The following CHKA variants were observed in gnomAD, a reference collection of about 807,000 sequenced individuals.
CHKA encodes the protein CHETK-alpha.
CHKA carries 34 observed loss-of-function variants against 60.1 expected under a neutral mutation model. That is an observed-to-expected ratio of 0.57 (90% CI 0.43 to 0.75). CHKA has a LOEUF of 0.75. Among genes scored for constraint, CHKA ranks in the 30% least tolerant of loss-of-function variants. The pLI is 0.00. For synonymous variants in CHKA, 217 were observed against 223.1 expected (o/e 0.97, Z 0.24); for missense variants, 563 against 561.3 (o/e 1.00, Z -0.03).
At chr11:68,095,402 CAAAAA>C (rs35029853) in intron 2 of CHKA, among the ~76,000 whole-genome samples, 1 of 12,484 alleles carries the variant, frequency 8.0e-5, no homozygotes, top group Non-Finnish European at 1.3e-4. Flanking sequence ...GACTCCATCT[CAAAAA>C]AAAAAAAAAA....
At chr11:68,113,146 A>T (rs1390788967) in intron 1 of CHKA, among the ~76,000 whole-genome samples, 83 of 150,458 alleles carry the variant, frequency 5.5e-4, no homozygotes, top group African/African-American at 2.0e-3. Flanking sequence ...CAATTAAATT[A>T]AAATTTTAAA....
In CHKA at chr11:68,053,964, A is replaced by T. The variant is rs370052035; in HGVS notation, c.*24T>A. 1.9e-6 allele frequency: 3 copies of T among 1,605,856 alleles called. No individual in the cohort carries two copies. The African/African-American group carries it at 4.0e-5, about 21-fold the overall frequency. On this transcript the variant is annotated 3_prime_UTR_variant, in exon 12 of 12. Transcript: ENST00000265689. ...TGCCTCCCCATGCAGTCCAGTGATG[A>T]GGTGGATGGAGTCCTCCCCACAGTC...
intron 1 of CHKA, among the ~76,000 whole-genome samples, chr11:68,119,286 T>A (rs1479362998): frequency 6.6e-6 from 1 of 152,072 alleles, no homozygotes; most frequent in African/African-American, 2.4e-5. Context: ...AAAGAGGAAG[T>A]GAAGCTCAAA....
chr11:68,073,949 A>AGAC (rs2134556637), intron 4 of CHKA, among the ~76,000 whole-genome samples: 1 of 152,332 alleles, frequency 6.6e-6, no homozygotes, highest in East Asian at 1.9e-4. Context: ...AGGCTGACAA[A>AGAC]GACGAGCATT....
At chr11:68,068,404 C>G (rs369737395) in intron 7 of CHKA, among the ~76,000 whole-genome samples, 1 of 151,540 alleles carries the variant, frequency 6.6e-6, no homozygotes, top group Non-Finnish European at 1.5e-5. Flanking sequence ...AATATTCTTT[C>G]GGATTTCTTC....
Position 68,120,968 on chromosome 11 carries a change from GGGCAGCGGCAGC to G in CHKA, c.198_209del (p.Leu67_Pro70del), listed in dbSNP as rs745705209. On this transcript the variant is annotated inframe_deletion, in exon 1 of 12. Transcript: ENST00000265689. The stretch of plus-strand genomic sequence containing the variant: ...CGGGCGGCTGCGGCGGCGGGGGCTG[GGGCAGCGGCAGC>G]GGCAGCGGCAGCGGCGGCGGAGGGG... The G allele has an allele frequency of 9.9e-4, 1,122 of 1,127,940 alleles. No homozygotes were observed. Among genetic ancestry groups the G allele is most frequent in the Middle Eastern group, 2.5e-3 (10 of 4,054 alleles). 69.9% of individuals were successfully genotyped at this position (1,127,940 alleles called of 1,614,324 possible).
rs116003842 is a variant in CHKA at position 68,075,921 on chromosome 11, G to A, written c.517-1091C>T. Among the ~76,000 whole-genome samples, 969 of 152,256 alleles carry A rather than the reference G, an allele frequency of 6.4e-3. 10 individuals are homozygous for A. The highest frequency in any genetic ancestry group is 0.022 in the African/African-American group (907 of 41,550). On this transcript the variant is annotated intron_variant, in intron 3 of 11. Transcript: ENST00000265689. The stretch of plus-strand genomic sequence containing the variant: ...CCCTGTGAAGCAATGTGCTGTGGAG[G>A]AACATGATCCCAGAGAAACCTCTAA...
intron 2 of CHKA, among the ~76,000 whole-genome samples, chr11:68,083,545 TAC>T (rs1165590887): frequency 6.6e-6 from 1 of 152,184 alleles, no homozygotes; most frequent in Non-Finnish European, 1.5e-5. Flanking sequence ...CTTAGGGAGA[TAC>T]AGTTAATGGG....
At position 68,121,274 on chromosome 11, in the gene CHKA, G is replaced by A; in HGVS notation, c.-97C>T. 1.0e-6 allele frequency: 1 copy of A among 994,780 alleles called. No individual in the cohort carries two copies. 61.6% of individuals were successfully genotyped at this position (994,780 alleles called of 1,614,324 possible). A position where few individuals can be genotyped will look rare whatever the true frequency, so the allele number is the denominator to read the frequency against. ...CCCCCTCGCCGCTCTCTCACTGGCA[G>A]GCCGGCGGGGCAGGGGGCCGCGGCG... On this transcript the variant is annotated 5_prime_UTR_variant, in exon 1 of 12. Transcript: ENST00000265689.
intron 1 of CHKA, among the ~76,000 whole-genome samples, chr11:68,114,223 T>A (rs1048244097): frequency 6.6e-6 from 1 of 152,122 alleles, no homozygotes; most frequent in Non-Finnish European, 1.5e-5. Context: ...TGCTCCTAAG[T>A]ATTTACCCAA....
intron 7 of CHKA, among the ~76,000 whole-genome samples, chr11:68,068,292 T>TA (rs574322021): frequency 1.9e-4 from 29 of 151,372 alleles, no homozygotes; most frequent in Non-Finnish European, 3.4e-4. Flanking sequence ...TTTTTCAGGT[T>TA]AAAAAAAAAT....
rs1801488773 is a variant in CHKA at position 68,064,560 on chromosome 11, G to A, written c.1197C>T (p.Ser399=). The A allele has an allele frequency of 6.3e-7, 1 of 1,579,090 alleles. No homozygotes were observed. The highest frequency in any genetic ancestry group is 8.6e-7 in the Non-Finnish European group (1 of 1,165,638). Residue 399 remains serine, a synonymous_variant, in exon 10 of 12, where the codon TCC becomes TCT. Coordinates refer to ENST00000265689, the MANE Select transcript of CHKA (RefSeq NM_001277.3). The part of the protein sequence containing the change: ...DFENLSTEEK[S]IIKEEMLLEV... ...CAAGCAACATTTCTTCTTTTATAAT[G>A]GATTTTTCTTCAGTACTGAGGTTTT... is the stretch of plus-strand genomic sequence containing the variant.
At chr11:68,100,159 A>C (rs1050215573) in intron 1 of CHKA, among the ~76,000 whole-genome samples, 2 of 152,244 alleles carry the variant, frequency 1.3e-5, no homozygotes, top group African/African-American at 2.4e-5. Flanking sequence ...GCAAAAATGT[A>C]ACAGTTCAAT....
At chr11:68,079,398 C>T (rs867652721) in intron 3 of CHKA, among the ~76,000 whole-genome samples, 2 of 151,972 alleles carry the variant, frequency 1.3e-5, no homozygotes, top group African/African-American at 4.8e-5. Flanking sequence ...GGCACGATCT[C>T]GGCTCACTGC....
At chr11:68,096,042 GA>G (rs71040584) in intron 2 of CHKA, among the ~76,000 whole-genome samples, 92,242 of 142,986 alleles carry the variant, frequency 0.65, 29,214 homozygotes, top group Middle Eastern at 0.76. Context: ...TCCATCTCAG[GA>G]AAAAAAAAAA....
intron 1 of CHKA, among the ~76,000 whole-genome samples, chr11:68,105,200 T>C (rs954144195): frequency 9.2e-5 from 14 of 151,498 alleles, no homozygotes; most frequent in African/African-American, 3.4e-4. Flanking sequence ...AACAACTTAG[T>C]AGGCTGCCCA....
At chr11:68,102,925 C>G (rs1370705852) in intron 1 of CHKA, among the ~76,000 whole-genome samples, 2 of 152,070 alleles carry the variant, frequency 1.3e-5, no homozygotes, top group Admixed American at 6.6e-5. Context: ...CCCAGGAAGT[C>G]AAGGCTGCAC....
chr11:68,093,004 T>G (rs4424674), intron 2 of CHKA, among the ~76,000 whole-genome samples: 14,374 of 68,904 alleles, frequency 0.21, 658 homozygotes, highest in Middle Eastern at 0.28. Flanking sequence ...CAGTTTTTTT[T>G]GGGTTTTTTT....
At chr11:68,120,261 A>T (rs1276137190) in intron 1 of CHKA, among the ~76,000 whole-genome samples, 2 of 151,280 alleles carry the variant, frequency 1.3e-5, no homozygotes, top group Non-Finnish European at 2.9e-5. Context: ...AAACATTTCT[A>T]CCTTACTCTT....
Sources: gnomAD v4.1 joint callset for allele counts (sites outside exome capture counted in the v4.1 genomes callset) on GRCh38, gnomAD v4.1.1 for gene constraint, MANE v1.5 for transcripts, NCBI Gene and HGNC (gene_info 2026-07-23, HGNC 2026-07-21) for gene names.